SCN8A: variants seen among roughly 807,000 people sequenced by gnomAD.
SCN8A encodes the protein sodium voltage-gated channel alpha subunit 8.
In SCN8A, 30 loss-of-function variants were observed where a neutral mutation model predicts 184.1. The ratio of observed to expected loss-of-function variants is 0.16; its 90% CI spans 0.12 to 0.22. SCN8A has a LOEUF of 0.22. Ranked by LOEUF, SCN8A falls within the 10% of genes least tolerant of loss-of-function variation. The pLI is 1.00. For synonymous variants in SCN8A, 852 were observed against 907.0 expected (o/e 0.94, Z 1.09); for missense variants, 1,057 against 2,498.9 (o/e 0.42, Z 12.30).
intron 12 of SCN8A, chr12:51,722,232 T>G (rs770090652): frequency 7.9e-5 from 36 of 453,716 alleles, no homozygotes; most frequent in Non-Finnish European, 1.3e-4. Context: ...ATTTTACCGT[T>G]TTCTTTCTCT....
At chr12:51,771,866 A>G (rs547705981) in intron 19 of SCN8A, among the ~76,000 whole-genome samples, 28 of 152,310 alleles carry the variant, frequency 1.8e-4, no homozygotes, top group African/African-American at 6.5e-4. Flanking sequence ...AAGGCGTTTT[A>G]TTATTGCTGT....
At chr12:51,673,689 CATT>C (rs1941172244) in intron 2 of SCN8A, among the ~76,000 whole-genome samples, 1 of 152,216 alleles carries the variant, frequency 6.6e-6, no homozygotes, top group Non-Finnish European at 1.5e-5. Flanking sequence ...ATAGGCATCA[CATT>C]ATGTACTGTG....
At chr12:51,696,525 C>T (rs187298638) in intron 6 of SCN8A, among the ~76,000 whole-genome samples, 23 of 152,238 alleles carry the variant, frequency 1.5e-4, no homozygotes, top group Admixed American at 5.9e-4. Context: ...GATTATGATA[C>T]GATTTCCCAG....
At chr12:51,608,428 T>A (rs530300904) in intron 1 of SCN8A, among the ~76,000 whole-genome samples, 1 of 152,130 alleles carries the variant, frequency 6.6e-6, no homozygotes, top group Non-Finnish European at 1.5e-5. Context: ...TTGTTATTGG[T>A]CTGTTCAGGG....
chr12:51,716,584 A>G (rs1279627037), intron 11 of SCN8A, among the ~76,000 whole-genome samples: 1 of 152,132 alleles, frequency 6.6e-6, no homozygotes, highest in East Asian at 1.9e-4. Context: ...ATGAAGTAGA[A>G]TAAGTAAATT....
intron 11 of SCN8A, among the ~76,000 whole-genome samples, chr12:51,716,410 A>G (rs537679938): frequency 6.6e-5 from 10 of 152,176 alleles, no homozygotes; most frequent in South Asian, 2.1e-4. Context: ...GTTTGGTGCT[A>G]TGGAAAGATT....
chr12:51,752,829 T>C (rs971446819), intron 14 of SCN8A, among the ~76,000 whole-genome samples: 2 of 152,236 alleles, frequency 1.3e-5, no homozygotes, highest in Admixed American at 1.3e-4. Context: ...CATTTAGATA[T>C]AAGCTTGATT....
chr12:51,709,817 G>A (rs895954596), intron 11 of SCN8A, among the ~76,000 whole-genome samples: 1 of 152,154 alleles, frequency 6.6e-6, no homozygotes, highest in Non-Finnish European at 1.5e-5. Flanking sequence ...AATAGATGTG[G>A]TTTTTAACAG....
At chr12:51,800,645 G>T (rs76547279) in intron 26 of SCN8A, among the ~76,000 whole-genome samples, 4,145 of 152,230 alleles carry the variant, frequency 0.027, 179 homozygotes, top group African/African-American at 0.092. Context: ...ATGACCACAG[G>T]ATGAATCCGG....
chr12:51,753,307 G>A (rs1033197800), intron 14 of SCN8A, among the ~76,000 whole-genome samples: 6 of 152,136 alleles, frequency 3.9e-5, no homozygotes, highest in African/African-American at 1.4e-4. Context: ...TTAGTATATA[G>A]TCCAGCATAC....
chr12:51,683,684 G>C (rs1205295919), intron 2 of SCN8A, among the ~76,000 whole-genome samples: 2 of 152,030 alleles, frequency 1.3e-5, no homozygotes, highest in African/African-American at 4.8e-5. Context: ...GTGTAGCACA[G>C]CCTATATGAT....
chr12:51,623,835 A>G (rs868756040), intron 1 of SCN8A, among the ~76,000 whole-genome samples: 2 of 152,046 alleles, frequency 1.3e-5, no homozygotes, highest in Admixed American at 6.5e-5. Flanking sequence ...TCATTGTTCA[A>G]TTCCCACCTA....
chr12:51,804,253 C>G (rs1376403059), intron 26 of SCN8A, among the ~76,000 whole-genome samples: 6 of 152,198 alleles, frequency 3.9e-5, no homozygotes, highest in African/African-American at 7.2e-5. Context: ...TGTACACTTT[C>G]ACCTTCTGCC....
At chr12:51,779,076 A>G (rs571109137) in intron 20 of SCN8A, among the ~76,000 whole-genome samples, 1 of 152,190 alleles carries the variant, frequency 6.6e-6, no homozygotes, top group Non-Finnish European at 1.5e-5. Flanking sequence ...TTAGCCGGGC[A>G]TGGTGGCACA....
At chr12:51,633,639 A>G (rs1940249320) in intron 1 of SCN8A, among the ~76,000 whole-genome samples, 1 of 152,166 alleles carries the variant, frequency 6.6e-6, no homozygotes, top group Non-Finnish European at 1.5e-5. Flanking sequence ...TCTGTTGCAC[A>G]TTAAACTTGA....
chr12:51,684,215 T>C lies in SCN8A; in HGVS notation c.318T>C (p.Phe106=), dbSNP rs1289951481. 1.9e-6 allele frequency: 3 copies of C among 1,607,600 alleles called. No homozygotes were observed. The highest frequency in any genetic ancestry group is 2.2e-5 in the East Asian group (1 of 44,852). The change falls in exon 3 of 27, where the codon TTT becomes TTC. Residue 106 remains phenylalanine (F), a synonymous_variant. Coordinates refer to ENST00000627620, the MANE Select transcript of SCN8A (RefSeq NM_001330260.2). ...VLNRGKTLFR[F]SATPALYILS... ...ACAGAGGGAAAACTCTCTTCAGATT[T>C]AGTGCCACGCCTGCCTTGTACATTT...
At chr12:51,681,560 A>G (rs1206408045) in intron 2 of SCN8A, among the ~76,000 whole-genome samples, 2 of 152,204 alleles carry the variant, frequency 1.3e-5, no homozygotes, top group African/African-American at 4.8e-5. Context: ...GAAGAGCTAT[A>G]GCTCAGCCCT....
At chr12:51,592,467 C>T (rs888360394) in intron 1 of SCN8A, among the ~76,000 whole-genome samples, 1 of 152,160 alleles carries the variant, frequency 6.6e-6, no homozygotes, top group African/African-American at 2.4e-5. Context: ...CTCTTCCTCA[C>T]TTACACTGCA....
chr12:51,735,249 C>T (rs755520859), intron 12 of SCN8A, among the ~76,000 whole-genome samples: 3 of 152,306 alleles, frequency 2.0e-5, no homozygotes, highest in Non-Finnish European at 2.9e-5. Context: ...GGCCATGGCA[C>T]GCAGACTGAG....
Sources: allele counts gnomAD v4.1 joint callset (sites outside exome capture counted in the v4.1 genomes callset), GRCh38; gene constraint gnomAD v4.1.1; transcripts MANE v1.5; gene names NCBI Gene and HGNC (gene_info 2026-07-23, HGNC 2026-07-21).